The following LRP1B variants were observed in gnomAD, a reference collection of about 807,000 sequenced individuals.
The protein encoded by LRP1B is low-density lipoprotein receptor-related protein 1B.
In LRP1B, 217 loss-of-function variants were observed where a neutral mutation model predicts 556.6. The observed-to-expected ratio is 0.39, with a 90% CI of 0.35 to 0.44. The LOEUF is 0.44. LRP1B is among the 20% of genes least tolerant of loss of function. The pLI is 1.00. For missense variants in LRP1B, 5,053 were observed against 5,620.8 expected (o/e 0.90, Z 3.23); for synonymous variants, 2,047 against 1,865.8 (o/e 1.10, Z -2.50).
chr2:140,997,758 G>T (rs1697294055), intron 15 of LRP1B, among the ~76,000 whole-genome samples: 1 of 151,956 alleles, frequency 6.6e-6, no homozygotes, highest in Admixed American at 6.6e-5. Flanking sequence ...TGAGCAGGGA[G>T]AGAGAAAAGA....
chr2:141,947,824 A>AAG lies in LRP1B; in HGVS notation c.83-137424_83-137423insCT. On this transcript the variant is annotated intron_variant, in intron 1 of 90. Coordinates refer to ENST00000389484, the MANE Select transcript of LRP1B (RefSeq NM_018557.3). ...TTTTTTTTTAAATATCAGAAAAAAA[A>AAG]AACAACAATACTGAAAGGATGTTTC... 2.0e-5 allele frequency among the ~76,000 whole-genome samples: 3 copies of AAG among 149,200 alleles called. No individual in the cohort carries two copies. The South Asian group carries it at 6.3e-4, about 31-fold the overall frequency.
Position 141,994,930 on chromosome 2 carries a change from G to A in LRP1B, c.82+135718C>T, listed in dbSNP as rs149707141. ...GCTCCTACCTGTGAGCGGTATGAAAGCTGAAGGGGTATTAGCACATATATA... is the reference window on the plus strand; with the variant it reads ...GCTCCTACCTGTGAGCGGTATGAAAACTGAAGGGGTATTAGCACATATATA... On this transcript the variant is annotated intron_variant, in intron 1 of 90. Coordinates refer to ENST00000389484, the MANE Select transcript of LRP1B (RefSeq NM_018557.3). Among the ~76,000 whole-genome samples the A allele has an allele frequency of 4.1e-3, 618 of 152,142 alleles. 2 individuals carry two copies. The highest frequency in any genetic ancestry group is 6.5e-3 in the Non-Finnish European group (445 of 67,992).
intron 1 of LRP1B, among the ~76,000 whole-genome samples, chr2:141,892,704 G>GA (rs1334320442): frequency 1.3e-5 from 2 of 152,072 alleles, no homozygotes; most frequent in Non-Finnish European, 2.9e-5. Context: ...ACAAGTTGAG[G>GA]AAAAAAGTAA....
chr2:140,247,272 A>C, intron 86 of LRP1B, 110 bp from the exon 87 acceptor site: 1 of 696,912 alleles, frequency 1.4e-6, no homozygotes, highest in Non-Finnish European at 2.6e-6. Flanking sequence ...CAGTCATCAC[A>C]AATTCATAAA....
intron 3 of LRP1B, among the ~76,000 whole-genome samples, chr2:141,265,726 A>T (rs952852835): frequency 6.6e-6 from 1 of 152,164 alleles, no homozygotes; most frequent in Non-Finnish European, 1.5e-5. Flanking sequence ...TGTGTACTCG[A>T]TACATGTATA....
intron 1 of LRP1B, among the ~76,000 whole-genome samples, chr2:142,102,667 C>T (rs1280585321): frequency 6.6e-6 from 1 of 151,554 alleles, no homozygotes. Context: ...GAAACTCGTG[C>T]CACAAAATTG....
chr2:141,616,181 C>T (rs1427397554), intron 2 of LRP1B, among the ~76,000 whole-genome samples: 1 of 151,754 alleles, frequency 6.6e-6, no homozygotes, highest in Non-Finnish European at 1.5e-5. Flanking sequence ...ACTGGGGAGG[C>T]TGAGGCAGGA....
chr2:141,144,274 T>A (rs1701727505), intron 7 of LRP1B, among the ~76,000 whole-genome samples: 1 of 152,222 alleles, frequency 6.6e-6, no homozygotes, highest in Non-Finnish European at 1.5e-5. Flanking sequence ...CAAGATGCAA[T>A]GTATTTAAGT....
intron 3 of LRP1B, among the ~76,000 whole-genome samples, chr2:141,423,290 C>G (rs1347695296): frequency 2.9e-5 from 2 of 68,384 alleles, no homozygotes; most frequent in Non-Finnish European, 6.0e-5. Flanking sequence ...ACAGCCAGAG[C>G]TTTTTTTTTT....
intron 20 of LRP1B, among the ~76,000 whole-genome samples, chr2:140,926,989 C>T (rs1694905460): frequency 6.6e-6 from 1 of 152,036 alleles, no homozygotes; most frequent in African/African-American, 2.4e-5. Context: ...AAAGGAACAA[C>T]CATCAGCTCC....
chr2:141,591,470 C>A (rs1273867404), intron 2 of LRP1B, among the ~76,000 whole-genome samples: 1 of 151,680 alleles, frequency 6.6e-6, no homozygotes, highest in Non-Finnish European at 1.5e-5. Flanking sequence ...TTTGTGTCCC[C>A]ACTCCCAGGT....
At chr2:140,777,017 T>C (rs901033827) in intron 32 of LRP1B, among the ~76,000 whole-genome samples, 20 of 152,334 alleles carry the variant, frequency 1.3e-4, no homozygotes, top group Admixed American at 2.6e-4. Flanking sequence ...TTCATCTCCC[T>C]ATCTGAAAAA....
At chr2:141,450,501 T>C (rs1291907006) in intron 3 of LRP1B, among the ~76,000 whole-genome samples, 1 of 152,032 alleles carries the variant, frequency 6.6e-6, no homozygotes, top group Non-Finnish European at 1.5e-5. Flanking sequence ...CCATTTCTTA[T>C]ACATAACATC....
intron 1 of LRP1B, among the ~76,000 whole-genome samples, chr2:141,886,958 CTTTTTCTTTTT>C (rs1699136512): frequency 2.5e-5 from 2 of 81,186 alleles, no homozygotes; most frequent in African/African-American, 1.0e-4. Flanking sequence ...GTTGATTTTT[CTTTTTCTTTTT>C]TTTTTTTTTT....
intron 68 of LRP1B, among the ~76,000 whole-genome samples, chr2:140,374,132 T>A (rs1424233534): frequency 6.6e-6 from 1 of 152,310 alleles, no homozygotes; most frequent in Non-Finnish European, 1.5e-5. Flanking sequence ...AGGATCTGTA[T>A]AGGAGATAAA....
intron 7 of LRP1B, among the ~76,000 whole-genome samples, chr2:141,181,358 C>A (rs940043388): frequency 2.0e-5 from 3 of 151,794 alleles, no homozygotes; most frequent in African/African-American, 7.2e-5. Context: ...CCAAAGTAAC[C>A]GAACTATATG....
At chr2:140,422,344 G>T (rs1408262801) in intron 66 of LRP1B, among the ~76,000 whole-genome samples, 2 of 152,148 alleles carry the variant, frequency 1.3e-5, no homozygotes, top group African/African-American at 4.8e-5. Flanking sequence ...GTGAACACTG[G>T]TTTTATTTGC....
chr2:140,280,545 G>A (rs1682872853), intron 84 of LRP1B, among the ~76,000 whole-genome samples: 1 of 151,736 alleles, frequency 6.6e-6, no homozygotes, highest in Non-Finnish European at 1.5e-5. Context: ...GGACATGTAT[G>A]TGCCTTATTG....
chr2:140,494,042 C>T (rs1688812616), intron 56 of LRP1B, among the ~76,000 whole-genome samples: 1 of 152,154 alleles, frequency 6.6e-6, no homozygotes, highest in Non-Finnish European at 1.5e-5. Context: ...TTAGGCAATT[C>T]TGTTCTTTAC....
Sources: allele counts gnomAD v4.1 joint callset (sites outside exome capture counted in the v4.1 genomes callset), GRCh38; gene constraint gnomAD v4.1.1; transcripts MANE v1.5; gene names NCBI Gene and HGNC (gene_info 2026-07-23, HGNC 2026-07-21).